The following RIF1 variants were observed in gnomAD, a reference collection of about 807,000 sequenced individuals.
RIF1 encodes the protein replication timing regulatory factor 1, also known as telomere-associated protein RIF1.
RIF1 carries 45 observed loss-of-function variants against 247.1 expected under a neutral mutation model. That is an observed-to-expected ratio of 0.18 (90% CI 0.14 to 0.23). The LOEUF (loss-of-function observed/expected upper bound fraction) is 0.23. Ranked by LOEUF, RIF1 falls within the 10% of genes least tolerant of loss-of-function variation. RIF1 has a pLI of 1.00. For missense variants in RIF1, 2,967 were observed against 2,862.5 expected, an observed-to-expected ratio of 1.04 and a Z score of -0.83; for synonymous variants, 1,087 against 978.8, an observed-to-expected ratio of 1.11 and a Z score of -2.06.
chr2:151,519,408 G>A, the RIF1 span, among the ~76,000 whole-genome samples: 1 of 152,162 alleles, frequency 6.6e-6, no homozygotes, highest in Admixed American at 6.5e-5. Context: ...CCATTTATAT[G>A]CACTCTCTAA....
intron 35 of RIF1, 79 bp downstream of exon 35, chr2:151,474,151 G>A: frequency 1.3e-6 from 1 of 745,796 alleles, no homozygotes; most frequent in South Asian, 1.6e-5. Context: ...TTTTTAGTCT[G>A]ATTTGACCAT....
chr2:151,462,357 T>C, intron 28 of RIF1, 35 bp downstream of exon 28: 1 of 1,479,296 alleles, frequency 6.8e-7, no homozygotes, highest in South Asian at 1.3e-5. Flanking sequence ...TTATATCTGT[T>C]TTATTCATTT....
At position 151,463,658 on chromosome 2, in the gene RIF1, A is replaced by G; in HGVS notation, c.4138A>G (p.Ile1380Val). The change falls in exon 30 of 36, where the codon ATT becomes GTT. Residue 1380 changes from isoleucine (I) to valine (V), a missense_variant. Ile to Val is a conservative substitution (Grantham distance 29). This residue lies in a region of RIF1 where 2,028 missense variants were observed against 1,825.6 expected (regional missense o/e 1.11). Coordinates refer to ENST00000444746, the MANE Select transcript of RIF1 (RefSeq NM_018151.5). ...TACTGTAGAGGAGAAAAATGTAGAA[A>G]TTAATTTGGAATCCAAAGAGAATAC... is the stretch of plus-strand genomic sequence containing the variant. ...TNTVEEKNVE[I>V]NLESKENTPP... 2 of 1,613,892 alleles carry G rather than the reference A, an allele frequency of 1.2e-6. No homozygotes were observed. The highest frequency in any genetic ancestry group is 1.6e-4 in the Middle Eastern group (1 of 6,062).
chr2:151,493,466 TC>T, intron 9 of RIF1: 3 of 1,506,228 alleles, frequency 2.0e-6, no homozygotes, highest in Non-Finnish European at 2.7e-6. Flanking sequence ...CAAAAGAGCA[TC>T]TAGGCATCAG....
At chr2:151,497,639 T>C in intron 10 of RIF1, 1 of 1,576,886 alleles carries the variant, frequency 6.3e-7, no homozygotes, top group South Asian at 1.2e-5. Flanking sequence ...GCTAATATTT[T>C]CTTGATTGTG....
At chr2:151,440,276 C>T in intron 15 of RIF1, 149 bp downstream of exon 15, 1 of 612,024 alleles carries the variant, frequency 1.6e-6, no homozygotes, top group South Asian at 1.9e-5. Context: ...AAGTGCCATT[C>T]TATTAACTGT....
chr2:151,506,101 A>G, intron 12 of RIF1: 4 of 1,358,864 alleles, frequency 2.9e-6, no homozygotes, highest in Non-Finnish European at 4.2e-6. Flanking sequence ...AGTGCAACTC[A>G]TAGGTCATTG....
chr2:151,487,777 A>G (rs2052248017), intron 9 of RIF1, among the ~76,000 whole-genome samples: 1 of 152,088 alleles, frequency 6.6e-6, no homozygotes, highest in Non-Finnish European at 1.5e-5. Context: ...ATATATATAT[A>G]TGTATAAAAT....
At chr2:151,466,882 T>C (rs1482529361) in intron 30 of RIF1, among the ~76,000 whole-genome samples, 1 of 152,234 alleles carries the variant, frequency 6.6e-6, no homozygotes, top group African/African-American at 2.4e-5. Flanking sequence ...AGCATGAATA[T>C]ATAGACATGA....
intron 10 of RIF1, chr2:151,498,083 A>G (rs1463453821): frequency 2.7e-6 from 4 of 1,469,192 alleles, no homozygotes; most frequent in African/African-American, 1.4e-5. Flanking sequence ...TAAATATCAG[A>G]TGAAGTAAAA....
chr2:151,446,205 G>T (rs139016377), intron 19 of RIF1, among the ~76,000 whole-genome samples: 1 of 150,660 alleles, frequency 6.6e-6, no homozygotes, highest in East Asian at 2.0e-4. Context: ...ATGGGGTTTC[G>T]CCATGTTGAC....
In RIF1 at chr2:151,479,356, TATTG is replaced by T. The variant is rs1309674755; in HGVS notation, c.*4288_*4291del. 12 of 152,224 alleles carry T rather than the reference TATTG, an allele frequency of 7.9e-5. No homozygotes were observed. Among genetic ancestry groups the T allele is most frequent in the African/African-American group, 2.9e-4 (12 of 41,456 alleles). The allele number at this position is 152,224 out of a possible 1,614,324, so 9.4% of individuals were successfully genotyped here. On this transcript the variant is annotated 3_prime_UTR_variant, in exon 36 of 36. Transcript: ENST00000444746. ...AAGAATTTCAAGTTATAAAGAATCTTATTGATAAGGCAAAGTAGACAAAGTATTT... is the reference window on the plus strand; with the variant it reads ...AAGAATTTCAAGTTATAAAGAATCTTATAAGGCAAAGTAGACAAAGTATTT...
intron 4 of RIF1, among the ~76,000 whole-genome samples, chr2:151,416,034 C>T (rs1274009226): frequency 6.6e-6 from 1 of 152,158 alleles, no homozygotes; most frequent in Non-Finnish European, 1.5e-5. Flanking sequence ...AGCACAGAAC[C>T]TAATGCTTTC....
chr2:151,496,130 GCCC>G, intron 10 of RIF1: 1 of 893,810 alleles, frequency 1.1e-6, no homozygotes, highest in Non-Finnish European at 1.7e-6. Context: ...GCTAGAAGTA[GCCC>G]AAAGGAAAAA....
chr2:151,410,918 A>G (rs1220160068), intron 2 of RIF1, among the ~76,000 whole-genome samples: 1 of 152,192 alleles, frequency 6.6e-6, no homozygotes, highest in Non-Finnish European at 1.5e-5. Context: ...AATGCTTCAA[A>G]GTAATTTTCA....
the RIF1 span, among the ~76,000 whole-genome samples, chr2:151,523,699 T>G: frequency 8.5e-5 from 13 of 152,292 alleles, no homozygotes; most frequent in African/African-American, 3.1e-4. Flanking sequence ...GCAACACATT[T>G]CTGAGTCCAT....
At chr2:151,527,550 G>A in the RIF1 span, 57 of 1,613,074 alleles carry the variant, frequency 3.5e-5, no homozygotes, top group Non-Finnish European at 4.6e-5. Context: ...ACTTCCAGTG[G>A]GCTTTGTTGG....
chr2:151,462,592 A>G (rs977624370), intron 29 of RIF1, 126 bp downstream of exon 29: 1 of 661,588 alleles, frequency 1.5e-6, no homozygotes, highest in Non-Finnish European at 2.5e-6. Context: ...GATTTATTGT[A>G]TGATTTCCTT....
intron 14 of RIF1, 70 bp downstream of exon 14, chr2:151,438,816 C>A: frequency 1.1e-6 from 1 of 900,100 alleles, no homozygotes; most frequent in South Asian, 1.4e-5. Flanking sequence ...TTTATAGCAT[C>A]CGGTGAATTG....
Sources: allele counts gnomAD v4.1 joint callset (sites outside exome capture counted in the v4.1 genomes callset), GRCh38; gene constraint gnomAD v4.1.1; regional missense constraint gnomAD v4.1.1; transcripts MANE v1.5; gene names NCBI Gene and HGNC (gene_info 2026-07-23, HGNC 2026-07-21).